The following CNTNAP2 variants were observed in gnomAD, a reference collection of about 807,000 sequenced individuals.
CNTNAP2 encodes contactin associated protein 2, also known as contactin-associated protein-like 2.
In CNTNAP2, 98 loss-of-function variants were observed where a neutral mutation model predicts 155.2. The ratio of observed to expected loss-of-function variants is 0.63; its 90% CI spans 0.54 to 0.75. The LOEUF (loss-of-function observed/expected upper bound fraction) is 0.75. Among genes scored for constraint, CNTNAP2 ranks in the 30% least tolerant of loss-of-function variants. CNTNAP2 has a pLI of 0.00. For missense variants in CNTNAP2, 1,727 were observed against 1,688.1 expected (o/e 1.02, Z -0.40); for synonymous variants, 651 against 631.2 (o/e 1.03, Z -0.47).
chr7:146,142,725 A>C (rs909716541), intron 1 of CNTNAP2, among the ~76,000 whole-genome samples: 5 of 152,186 alleles, frequency 3.3e-5, no homozygotes, highest in Non-Finnish European at 7.4e-5. Context: ...TTCTGTGTAA[A>C]ATAATACATC....
intron 1 of CNTNAP2, among the ~76,000 whole-genome samples, chr7:146,683,381 T>C (rs1256386505): frequency 6.6e-6 from 1 of 152,188 alleles, no homozygotes; most frequent in Non-Finnish European, 1.5e-5. Flanking sequence ...GTGGGAATCC[T>C]TGTTGCTTAA....
intron 12 of CNTNAP2, among the ~76,000 whole-genome samples, chr7:147,597,013 C>A (rs1413816139): frequency 6.6e-6 from 1 of 152,172 alleles, no homozygotes; most frequent in East Asian, 1.9e-4. Flanking sequence ...GAATTGCCCA[C>A]CCCTTTCCCA....
chr7:147,201,787 T>C (rs1802927559), intron 8 of CNTNAP2, among the ~76,000 whole-genome samples: 3 of 152,200 alleles, frequency 2.0e-5, no homozygotes, highest in African/African-American at 7.2e-5. Flanking sequence ...CAGTAAGATA[T>C]AAATACTGTG....
chr7:147,050,400 T>G (rs1397681325), intron 4 of CNTNAP2, among the ~76,000 whole-genome samples: 1 of 152,228 alleles, frequency 6.6e-6, no homozygotes, highest in Non-Finnish European at 1.5e-5. Flanking sequence ...GGACGGCACC[T>G]TGGGAAACCA....
At chr7:147,754,860 A>G (rs2116509303) in intron 13 of CNTNAP2, among the ~76,000 whole-genome samples, 1 of 152,324 alleles carries the variant, frequency 6.6e-6, no homozygotes, top group Non-Finnish European at 1.5e-5. Flanking sequence ...TTAGTGACGG[A>G]TCCATGTGGA....
intron 15 of CNTNAP2, among the ~76,000 whole-genome samples, chr7:148,033,655 A>G (rs1338923479): frequency 6.6e-6 from 1 of 152,220 alleles, no homozygotes; most frequent in African/African-American, 2.4e-5. Context: ...TTGACTGCAC[A>G]TATTAGCTTT....
chr7:146,811,077 G>A (rs1467289092), intron 2 of CNTNAP2, among the ~76,000 whole-genome samples: 1 of 152,094 alleles, frequency 6.6e-6, no homozygotes, highest in Non-Finnish European at 1.5e-5. Context: ...TTTATTAGAA[G>A]TATTGGCCAG....
chr7:147,380,177 T>C (rs1052841806), intron 9 of CNTNAP2, among the ~76,000 whole-genome samples: 3 of 151,986 alleles, frequency 2.0e-5, no homozygotes, highest in African/African-American at 7.2e-5. Context: ...TATAAACTTT[T>C]GGGGTGCAGT....
chr7:147,672,830 T>G (rs914719149), intron 13 of CNTNAP2: 2 of 152,146 alleles, frequency 1.3e-5, no homozygotes, highest in Non-Finnish European at 2.9e-5. Context: ...TTATTTGATC[T>G]TTCACAATGT....
intron 18 of CNTNAP2, among the ~76,000 whole-genome samples, chr7:148,192,549 CA>C (rs112526962): frequency 6.8e-6 from 1 of 147,302 alleles, no homozygotes; most frequent in African/African-American, 2.5e-5. Context: ...AAACAAAAAA[CA>C]AAAAAACTCT....
intron 1 of CNTNAP2, among the ~76,000 whole-genome samples, chr7:146,581,592 T>C (rs1261006793): frequency 6.6e-6 from 1 of 151,780 alleles, no homozygotes; most frequent in Admixed American, 6.6e-5. Flanking sequence ...TTTTGTAAAA[T>C]GGTTATCAAA....
intron 1 of CNTNAP2, among the ~76,000 whole-genome samples, chr7:146,704,487 G>C (rs773680301): frequency 6.6e-6 from 1 of 152,144 alleles, no homozygotes; most frequent in African/African-American, 2.4e-5. Flanking sequence ...GATGGGCCAA[G>C]TGACTCACGC....
At chr7:147,817,700 G>A (rs981418279) in intron 13 of CNTNAP2, among the ~76,000 whole-genome samples, 3 of 151,916 alleles carry the variant, frequency 2.0e-5, no homozygotes, top group African/African-American at 4.8e-5. Context: ...TCAGGAGATC[G>A]AGACCATCCT....
chr7:146,932,680 G>A (rs1424974591), intron 3 of CNTNAP2, among the ~76,000 whole-genome samples: 2 of 151,998 alleles, frequency 1.3e-5, no homozygotes, highest in Non-Finnish European at 2.9e-5. Flanking sequence ...TAGTATATCT[G>A]GAAAACCCCA....
At chr7:147,434,969 G>A (rs1010070123) in intron 10 of CNTNAP2, among the ~76,000 whole-genome samples, 2 of 152,178 alleles carry the variant, frequency 1.3e-5, no homozygotes, top group East Asian at 3.8e-4. Context: ...GGGTTGAGGT[G>A]GGGGTGCACC....
chr7:148,396,144 C>T (rs1022700657), intron 22 of CNTNAP2, among the ~76,000 whole-genome samples: 4 of 152,092 alleles, frequency 2.6e-5, no homozygotes, highest in African/African-American at 9.7e-5. Context: ...TACATGTTGC[C>T]ATGGTGACTT....
At chr7:147,758,253 A>C (rs1434638302) in intron 13 of CNTNAP2, among the ~76,000 whole-genome samples, 1 of 152,196 alleles carries the variant, frequency 6.6e-6, no homozygotes, top group Non-Finnish European at 1.5e-5. Flanking sequence ...TTTCTCGAAA[A>C]ATTGGGACAC....
chr7:147,098,674 G>C (rs1157889837), intron 4 of CNTNAP2, among the ~76,000 whole-genome samples: 1 of 151,996 alleles, frequency 6.6e-6, no homozygotes, highest in Non-Finnish European at 1.5e-5. Context: ...CTAAGATATG[G>C]TAAAATAATT....
At chr7:147,335,961 G>T (rs1164455877) in intron 9 of CNTNAP2, among the ~76,000 whole-genome samples, 1 of 152,184 alleles carries the variant, frequency 6.6e-6, no homozygotes, top group Non-Finnish European at 1.5e-5. Flanking sequence ...GATGGCTGCA[G>T]TGTGGATGAG....
Sources: allele counts gnomAD v4.1 joint callset (sites outside exome capture counted in the v4.1 genomes callset), GRCh38; gene constraint gnomAD v4.1.1; transcripts MANE v1.5; gene names NCBI Gene and HGNC (gene_info 2026-07-23, HGNC 2026-07-21).